CDK11A: variants seen among roughly 807,000 people sequenced by gnomAD.
CDK11A encodes cyclin-dependent kinase 11A.
Under a neutral mutation model 83.6 loss-of-function variants are expected in CDK11A, and 55 were observed. That is an observed-to-expected ratio of 0.66 (90% CI 0.53 to 0.82). The LOEUF is 0.82. Among genes scored for constraint, CDK11A ranks in the 40% least tolerant of loss-of-function variants. The pLI is 0.00. For missense variants in CDK11A, 564 were observed against 810.1 expected (o/e 0.70, Z 3.69); for synonymous variants, 247 against 302.7 (o/e 0.82, Z 1.91).
In CDK11A at chr1:1,702,956, G is replaced by A. The variant is rs1285032024; in HGVS notation, c.2294C>T (p.Thr765Met). 3.5e-5 allele frequency: 17 copies of A among 482,250 alleles called. No homozygotes were observed. The highest frequency in any genetic ancestry group is 9.3e-5 in the African/African-American group (3 of 32,424). The allele number at this position is 482,250 out of a possible 1,614,324, so 29.9% of individuals were successfully genotyped here. A position where few individuals can be genotyped will look rare whatever the true frequency, so the allele number is the denominator to read the frequency against. The change falls in exon 20 of 20, where the codon ACG becomes ATG. Residue 765 changes from threonine (T) to methionine (M), a missense_variant. Thr to Met is a moderately conservative substitution (Grantham distance 81, BLOSUM62 -1). Coordinates refer to ENST00000404249, the MANE Select transcript of CDK11A (RefSeq NM_024011.4). The stretch of plus-strand genomic sequence containing the variant: ...GCCCGCGGCAGAGGCCCCCTGGTTC[G>A]TGGTGGTAAGGTGGAAGCCCGTCTC... ...LKETGFHLTT[T>M]NQGASAAGPG...
At position 1,718,668 on chromosome 1, in the gene CDK11A, T is replaced by C. The variant is rs571353846; in HGVS notation, c.355+660A>G. 8.5e-4 allele frequency among the ~76,000 whole-genome samples: 120 copies of C among 141,392 alleles called. 4 individuals carry two copies. Among genetic ancestry groups the C allele is most frequent in the South Asian group, 4.6e-4 (2 of 4,386 alleles). The allele number at this position is 141,392 out of a possible 152,430, so 92.8% of individuals were successfully genotyped here. On this transcript the variant is annotated intron_variant, in intron 4 of 19. Coordinates refer to ENST00000404249, the MANE Select transcript of CDK11A (RefSeq NM_024011.4). ...TTTTTTTTTTGAGACGGAGTCTTGC[T>C]CTGTCGCCCAGGCTAGAGTGTGCAG...
intron 18 of CDK11A, 44 bp from the exon 19 acceptor site, chr1:1,703,313 C>T: frequency 1.7e-6 from 1 of 587,092 alleles, no homozygotes; most frequent in Non-Finnish European, 2.6e-6. Context: ...TCGTGTGCTC[C>T]ACTGGGTCCC....
At position 1,704,281 on chromosome 1, in the gene CDK11A, A is replaced by T; in HGVS notation, c.1628T>A (p.Ile543Asn). ...RGVKHLHDNW[I>N]LHRDLKTSNL... ...GGACGTCTTGAGGTCACGGTGCAGG[A>T]TCCAGTTGTCGTGCAGGTGTTTCAC... Residue 543 changes from isoleucine (I) to asparagine (N), a missense_variant, in exon 15 of 20, where the codon ATC becomes AAC. This residue lies in a region of CDK11A where 361 missense variants were observed against 402.7 expected (regional missense o/e 0.90). Transcript: ENST00000404249. 8.7e-6 allele frequency: 14 copies of T among 1,607,992 alleles called. 1 individual carries two copies. Among genetic ancestry groups the T allele is most frequent in the Non-Finnish European group, 1.2e-5 (14 of 1,176,460 alleles).
chr1:1,718,163 G>T (rs1465782052), intron 4 of CDK11A, among the ~76,000 whole-genome samples: 1 of 137,390 alleles, frequency 7.3e-6, no homozygotes. Context: ...TGCTCTCTCT[G>T]GTTTTCGGTC....
intron 6 of CDK11A, among the ~76,000 whole-genome samples, chr1:1,710,671 G>A (rs1445566603): frequency 6.6e-6 from 1 of 150,836 alleles, no homozygotes; most frequent in African/African-American, 2.4e-5. Context: ...AGATGTCCCA[G>A]ACAAAGATTT....
chr1:1,707,125 C>CGGGCAGCAG (rs1644345328), intron 11 of CDK11A, among the ~76,000 whole-genome samples: 2 of 143,990 alleles, frequency 1.4e-5, no homozygotes, highest in Middle Eastern at 3.5e-3. Context: ...GGACGCAACT[C>CGGGCAGCAG]GGGCAGCAGT....
In CDK11A at chr1:1,706,567, G is replaced by C. The variant is rs530609620; in HGVS notation, c.1246-835C>G. Among the ~76,000 whole-genome samples, 4 of 151,326 alleles carry C rather than the reference G, an allele frequency of 2.6e-5. No homozygotes were observed. The South Asian group carries it at 8.4e-4, about 32-fold the overall frequency. ...CAGTCTCCAAAAAAAAGGCCATCCG[G>C]AGAGTCTCTCTGTCAAAGTGGATGT... On this transcript the variant is annotated intron_variant, in intron 11 of 19. Coordinates refer to ENST00000404249, the MANE Select transcript of CDK11A (RefSeq NM_024011.4).
Position 1,716,462 on chromosome 1 carries a change from C to T in CDK11A, c.372G>A (p.Val124=), listed in dbSNP as rs866937199. ...HSAEGGKHAR[V]KEREHERRKR... ...TCCGACGTTCGTGCTCTCTTTCTTT[C>T]ACTCTAGCATGCTTCCCTAATGAGA... Residue 124 remains valine (V), a synonymous_variant, in exon 5 of 20, where the codon GTG becomes GTA. Coordinates refer to ENST00000404249, the MANE Select transcript of CDK11A (RefSeq NM_024011.4). 2.5e-6 allele frequency: 4 copies of T among 1,608,610 alleles called. 1 individual carries two copies. The highest frequency in any genetic ancestry group is 3.4e-6 in the Non-Finnish European group (4 of 1,176,486).
Position 1,703,898 on chromosome 1 carries a change from A to G in CDK11A, c.1837T>C (p.Phe613Leu). The G allele has an allele frequency of 1.2e-6, 2 of 1,609,744 alleles. No homozygotes were observed. Among genetic ancestry groups the G allele is most frequent in the Non-Finnish European group, 1.7e-6 (2 of 1,176,974 alleles). Residue 613 changes from phenylalanine (F) to leucine (L), a missense_variant, in exon 17 of 20, where the codon TTC becomes CTC. Phe to Leu is a conservative substitution (Grantham distance 22). Transcript: ENST00000404249. ...GGCTTCTGAGTCAGCAGCTCCCCGA[A>G]GATGCAGCCCACTGACCACATGTCC... The part of the protein sequence containing the change: ...AVDMWSVGCI[F>L]GELLTQKPLF...
rs1301660806 is a variant in CDK11A at position 1,724,299 on chromosome 1, A to C, written c.-55T>G. ...CCGGTCCCTGAGCCTGAGAAGAAAC[A>C]GCAACCGGCGCTCGCCAGAAGTATC... On this transcript the variant is annotated 5_prime_UTR_variant, in exon 1 of 20. Transcript: ENST00000404249. 2.0e-5 allele frequency: 3 copies of C among 151,788 alleles called. No individual in the cohort carries two copies. Among genetic ancestry groups the C allele is most frequent in the East Asian group, 3.9e-4 (2 of 5,158 alleles). 9.4% of individuals were successfully genotyped at this position (151,788 alleles called of 1,614,324 possible).
In CDK11A at chr1:1,704,228, G is replaced by A. The variant is rs762255154; in HGVS notation, c.1681C>T (p.Leu561Phe). The stretch of plus-strand genomic sequence containing the variant: ...CCACTCGGAGGGGGGCTCACCTTGA[G>A]GATGCCGGCGTGGCTCAGCAGCAGG... ...SNLLLSHAGI[L>F]KVGDFGLARE... The change falls in exon 15 of 20, where the codon CTC becomes TTC. Residue 561 changes from leucine (L) to phenylalanine (F), a missense_variant. Coordinates refer to ENST00000404249, the MANE Select transcript of CDK11A (RefSeq NM_024011.4). 1 of 1,608,514 alleles carries A rather than the reference G, an allele frequency of 6.2e-7. No homozygotes were observed.
At position 1,707,462 on chromosome 1, in the gene CDK11A, G is replaced by A; in HGVS notation, c.1192C>T (p.Leu398=). 1 of 1,607,728 alleles carries A rather than the reference G, an allele frequency of 6.2e-7. No individual in the cohort carries two copies. The highest frequency in any genetic ancestry group is 8.5e-7 in the Non-Finnish European group (1 of 1,175,930). The change falls in exon 11 of 20, where the codon CTG becomes TTG. Residue 398 remains leucine (L), a synonymous_variant. Coordinates refer to ENST00000404249, the MANE Select transcript of CDK11A (RefSeq NM_024011.4). ...EGDYVPDSPA[L]LPIELKQELP... ...TCCTGCTTGAGCTCGATGGGCAACAGGGCAGGGGAGTCGGGCACATAGTCG... is the reference window on the plus strand; with the variant it reads ...TCCTGCTTGAGCTCGATGGGCAACAAGGCAGGGGAGTCGGGCACATAGTCG...
At chr1:1,719,637 A>AAT (rs1557800596) in intron 3 of CDK11A, among the ~76,000 whole-genome samples, 182 bp from the exon 4 acceptor site, 1 of 9,624 alleles carries the variant, frequency 1.0e-4, no homozygotes, top group Non-Finnish European at 7.7e-4. Context: ...TTTTTTTTAG[A>AAT]CGGAGTCTCG....
chr1:1,704,573 G>A lies in CDK11A; in HGVS notation c.1541C>T (p.Thr514Ile), dbSNP rs1311852410. The change falls in exon 14 of 20, where the codon ACC becomes ATC. Residue 514 changes from threonine to isoleucine, a missense_variant. Coordinates refer to ENST00000404249, the MANE Select transcript of CDK11A (RefSeq NM_024011.4). ...VEHDLKSLME[T>I]MKQPFLPGEV... ...ACCTGGCAGGAAGGGCTGTTTCATG[G>A]TCTCCATCAGGCTCTTGAGGTCGTG... 4 of 1,604,768 alleles carry A rather than the reference G, an allele frequency of 2.5e-6. No individual in the cohort carries two copies. The South Asian group carries it at 4.4e-5, about 18-fold the overall frequency.
At chr1:1,716,796 A>C (rs28722732) in intron 4 of CDK11A, among the ~76,000 whole-genome samples, 101,428 of 125,458 alleles carry the variant, frequency 0.81, 43,339 homozygotes, top group Non-Finnish European at 0.93. Flanking sequence ...GCCTGGGCGA[A>C]AAAGTGAGAC....
In CDK11A at chr1:1,719,426, T is replaced by C. The variant is rs758644941; in HGVS notation, c.257A>G (p.Lys86Arg). 5 of 1,526,916 alleles carry C rather than the reference T, an allele frequency of 3.3e-6. No individual in the cohort carries two copies. The highest frequency in any genetic ancestry group is 2.4e-5 in the East Asian group (1 of 41,120). The allele number at this position is 1,526,916 out of a possible 1,614,324, so 94.6% of individuals were successfully genotyped here. The change falls in exon 4 of 20, where the codon AAA becomes AGA. Residue 86 changes from lysine (K) to arginine (R), a missense_variant. Transcript: ENST00000404249. Reference protein sequence around the residue: ...RGEEDDSLAIKPPQQMSRKEK... With the variant: ...RGEEDDSLAIRPPQQMSRKEK... ...TTTCCGAGACATTTGCTGGGGTGGT[T>C]TGATGGCCAAAGAATCATCTTCTTC...
chr1:1,718,307 GAGTA>G lies in CDK11A; in HGVS notation c.355+1017_355+1020del, dbSNP rs1557797871. Among the ~76,000 whole-genome samples, 10 of 147,982 alleles carry G rather than the reference GAGTA, an allele frequency of 6.8e-5. 2 individuals are homozygous for G. Among genetic ancestry groups the G allele is most frequent in the Admixed American group, 1.4e-4 (2 of 14,750 alleles). The stretch of plus-strand genomic sequence containing the variant: ...TGTGACACACGCATGCTTTCAGCTA[GAGTA>G]TTCTCTCTATAGCCCCTCTGAACGG... On this transcript the variant is annotated intron_variant, in intron 4 of 19. Transcript: ENST00000404249.
intron 10 of CDK11A, 56 bp from the exon 11 acceptor site, chr1:1,707,640 C>T (rs2101186455): frequency 8.5e-7 from 1 of 1,176,080 alleles, no homozygotes; most frequent in South Asian, 1.4e-5. Context: ...CATGAACCTC[C>T]TCCTGCCCCG....
chr1:1,723,289 G>C lies in CDK11A; in HGVS notation c.-13-458C>G, dbSNP rs1196694827. ...TAGGCTGAGGCGGGTGGATCACAAG[G>C]TCGGGAGGTCAAGACCAGCCTGGCC... On this transcript the variant is annotated intron_variant, in intron 1 of 19. Transcript: ENST00000404249. Among the ~76,000 whole-genome samples the C allele has an allele frequency of 4.4e-5, 3 of 68,916 alleles. 1 individual carries two copies. Among genetic ancestry groups the C allele is most frequent in the Non-Finnish European group, 7.1e-5 (2 of 28,274 alleles). The allele number at this position is 68,916 out of a possible 152,430, so 45.2% of individuals were successfully genotyped here.
Sources: allele counts gnomAD v4.1 joint callset (sites outside exome capture counted in the v4.1 genomes callset), GRCh38; gene constraint gnomAD v4.1.1; regional missense constraint gnomAD v4.1.1; transcripts MANE v1.5; gene names NCBI Gene and HGNC (gene_info 2026-07-23, HGNC 2026-07-21).